The following LRRC7 variants were observed in gnomAD, a reference collection of about 807,000 sequenced individuals.
LRRC7 encodes the protein leucine rich repeat containing 7.
Under a neutral mutation model 175.7 loss-of-function variants are expected in LRRC7, and 23 were observed. That is an observed-to-expected ratio of 0.13 (90% confidence interval 0.09 to 0.19). LRRC7 has a LOEUF of 0.19. Ranked by LOEUF, LRRC7 falls within the 10% of genes least tolerant of loss-of-function variation. The pLI is 1.00. For synonymous variants in LRRC7, 685 were observed against 680.9 expected (o/e 1.01, Z -0.09); for missense variants, 1,354 against 1,904.7 (o/e 0.71, Z 5.38).
chr1:69,579,794 C>CT (rs71242784), intron 1 of LRRC7, among the ~76,000 whole-genome samples: 39,113 of 126,396 alleles, frequency 0.31, 6,707 homozygotes, highest in East Asian at 0.36. Flanking sequence ...TGAATAGAAG[C>CT]TTTTTTTTTT....
chr1:70,094,304 A>G (rs114015681), intron 25 of LRRC7, among the ~76,000 whole-genome samples: 20 of 152,296 alleles, frequency 1.3e-4, no homozygotes, highest in African/African-American at 4.8e-4. Context: ...CCTAAGCTCA[A>G]CAGATGCCAG....
chr1:69,709,798 T>A (rs1254183864), intron 2 of LRRC7, among the ~76,000 whole-genome samples: 4 of 152,208 alleles, frequency 2.6e-5, no homozygotes, highest in African/African-American at 9.7e-5. Flanking sequence ...AGTTATAGTT[T>A]GTAATAATGA....
intron 23 of LRRC7, among the ~76,000 whole-genome samples, chr1:70,066,659 A>G (rs1052357687): frequency 6.6e-6 from 1 of 152,046 alleles, no homozygotes; most frequent in Non-Finnish European, 1.5e-5. Flanking sequence ...TTTTCCATCT[A>G]TGGCTACTAT....
intron 8 of LRRC7, among the ~76,000 whole-genome samples, chr1:69,935,598 G>A (rs887101217): frequency 6.6e-6 from 1 of 152,024 alleles, no homozygotes; most frequent in African/African-American, 2.4e-5. Flanking sequence ...TTTTTCATAT[G>A]TTTGTGGCAA....
At chr1:69,676,163 A>C (rs1016613210) in intron 1 of LRRC7, among the ~76,000 whole-genome samples, 17 of 151,890 alleles carry the variant, frequency 1.1e-4, no homozygotes. Flanking sequence ...TTCCACCACA[A>C]AAAGCCTTTT....
At chr1:69,742,851 A>G (rs1012341369) in intron 2 of LRRC7, among the ~76,000 whole-genome samples, 2 of 151,928 alleles carry the variant, frequency 1.3e-5, no homozygotes, top group Admixed American at 1.3e-4. Flanking sequence ...TTTTAATGTT[A>G]TATATTCCTT....
intron 11 of LRRC7, among the ~76,000 whole-genome samples, chr1:69,995,863 T>C (rs912267782): frequency 1.3e-5 from 2 of 151,342 alleles, no homozygotes; most frequent in Non-Finnish European, 2.9e-5. Flanking sequence ...GCAATAAACA[T>C]ACGTGTGCAT....
chr1:69,966,939 CAAG>C (rs1439565321), intron 8 of LRRC7, among the ~76,000 whole-genome samples: 1 of 152,212 alleles, frequency 6.6e-6, no homozygotes, highest in Non-Finnish European at 1.5e-5. Flanking sequence ...TTGAACTGAT[CAAG>C]AAGTCTCCTG....
intron 26 of LRRC7, among the ~76,000 whole-genome samples, chr1:70,110,216 C>G (rs760358802): frequency 4.0e-5 from 6 of 151,852 alleles, no homozygotes; most frequent in Non-Finnish European, 7.4e-5. Context: ...TTGGTCTCTA[C>G]AGAAAATTTA....
chr1:69,657,750 A>T (rs1656866401), intron 1 of LRRC7, among the ~76,000 whole-genome samples: 1 of 151,700 alleles, frequency 6.6e-6, no homozygotes, highest in Admixed American at 6.6e-5. Flanking sequence ...CTATTTTAAA[A>T]TTTTGTCTAG....
intron 7 of LRRC7, among the ~76,000 whole-genome samples, chr1:69,912,200 A>G (rs1355327217): frequency 6.6e-6 from 1 of 152,040 alleles, no homozygotes; most frequent in Non-Finnish European, 1.5e-5. Context: ...GCCCAATATA[A>G]CAAGTAATAA....
intron 25 of LRRC7, among the ~76,000 whole-genome samples, chr1:70,098,818 G>T (rs1375740975): frequency 4.6e-5 from 7 of 151,186 alleles, no homozygotes; most frequent in African/African-American, 1.7e-4. Context: ...CTGAAATTGT[G>T]GCAATAATCA....
intron 7 of LRRC7, among the ~76,000 whole-genome samples, chr1:69,865,250 G>A (rs1043027544): frequency 2.0e-5 from 3 of 151,930 alleles, no homozygotes; most frequent in Admixed American, 6.6e-5. Flanking sequence ...TGGTCAATAC[G>A]ACATCTGCAC....
At chr1:70,101,611 A>G (rs1208819119) in intron 25 of LRRC7, among the ~76,000 whole-genome samples, 1 of 152,206 alleles carries the variant, frequency 6.6e-6, no homozygotes, top group Non-Finnish European at 1.5e-5. Context: ...GTAACCAGTA[A>G]GGCAAGGTCA....
rs1553167521 is a variant in LRRC7 at position 69,878,290 on chromosome 1, AAC to A, written c.647+40009_647+40010del. Among the ~76,000 whole-genome samples, 1,091 of 150,404 alleles carry A rather than the reference AAC, an allele frequency of 7.3e-3. 12 individuals carry two copies. Among genetic ancestry groups the A allele is most frequent in the African/African-American group, 0.026 (1,049 of 40,146 alleles). ...TCCTTATCTTAGAAAAAAAAAAAAA[AAC>A]AAGAATGCTCTTAAATAGTGACAGA... On this transcript the variant is annotated intron_variant, in intron 7 of 26. Transcript: ENST00000651989.
At chr1:70,027,003 G>A (rs1299149565) in intron 17 of LRRC7, among the ~76,000 whole-genome samples, 2 of 151,996 alleles carry the variant, frequency 1.3e-5, no homozygotes, top group African/African-American at 2.4e-5. Context: ...AATTACATGG[G>A]TGTGTGGGGG....
rs1307674905 is a variant in LRRC7, at chr1:69,919,548, A to G, written c.648-11959A>G. 1.5e-5 allele frequency: 12 copies of G among 796,554 alleles called. No homozygotes were observed. The East Asian group carries it at 2.9e-4, about 19-fold the overall frequency. The allele number at this position is 796,554 out of a possible 1,614,324, so 49.3% of individuals were successfully genotyped here. On this transcript the variant is annotated intron_variant, in intron 7 of 26. Transcript: ENST00000651989. ...GCCGCTCGCACCTGCTAGTGAAGCC[A>G]GTCAAGGCGGCCCTCGACCTGGCGG...
At chr1:69,810,176 C>T (rs1177493557) in intron 4 of LRRC7, among the ~76,000 whole-genome samples, 1 of 152,020 alleles carries the variant, frequency 6.6e-6, no homozygotes, top group Non-Finnish European at 1.5e-5. Flanking sequence ...TTCACAATTG[C>T]TACGAAGAGA....
intron 1 of LRRC7, among the ~76,000 whole-genome samples, chr1:69,610,384 G>A (rs1773328): frequency 0.31 from 47,563 of 151,696 alleles, 7,812 homozygotes; most frequent in Admixed American, 0.34. Context: ...ATAATTGCAT[G>A]ACCATTTTCA....
Sources: allele counts gnomAD v4.1 joint callset (sites outside exome capture counted in the v4.1 genomes callset), GRCh38; gene constraint gnomAD v4.1.1; transcripts MANE v1.5; gene names NCBI Gene and HGNC (gene_info 2026-07-23, HGNC 2026-07-21).